CMTM4: variants seen among roughly 807,000 people sequenced by gnomAD.
CMTM4 encodes the protein CKLF-like MARVEL transmembrane domain-containing protein 4.
In CMTM4, 8 loss-of-function variants were observed where a neutral mutation model predicts 19.0. The ratio of observed to expected loss-of-function variants is 0.42; its 90% CI spans 0.25 to 0.76. CMTM4 has a LOEUF of 0.76. CMTM4 is among the 30% of genes least tolerant of loss of function. The pLI is 0.27. For missense variants in CMTM4, 228 were observed against 290.2 expected (o/e 0.79, Z 1.56); for synonymous variants, 106 against 121.1 (o/e 0.88, Z 0.82).
chr16:66,671,193 CAA>C (rs902330495), intron 1 of CMTM4, among the ~76,000 whole-genome samples: 1 of 152,142 alleles, frequency 6.6e-6, no homozygotes, highest in African/African-American at 2.4e-5. Context: ...ACCAGATTCC[CAA>C]AAGACACTTC....
chr16:66,617,256 G>A lies in CMTM4; in HGVS notation c.*4802C>T. On this transcript the variant is annotated 3_prime_UTR_variant, in exon 4 of 4. Transcript: ENST00000394106. ...CCTATGAAATAGATACACAGTTCAA[G>A]GACCCATCATCTGAACTTTTCTAGG... is the stretch of plus-strand genomic sequence containing the variant. 1.9e-6 allele frequency: 3 copies of A among 1,611,170 alleles called. No homozygotes were observed. The highest frequency in any genetic ancestry group is 1.7e-4 in the Middle Eastern group (1 of 6,058).
At chr16:66,671,633 C>T (rs942425621) in intron 1 of CMTM4, among the ~76,000 whole-genome samples, 4 of 152,140 alleles carry the variant, frequency 2.6e-5, no homozygotes, top group African/African-American at 9.7e-5. Flanking sequence ...GAATCCTTAG[C>T]ACACAAGAGG....
chr16:66,676,277 C>T (rs1259551520), intron 1 of CMTM4, among the ~76,000 whole-genome samples: 2 of 152,166 alleles, frequency 1.3e-5, no homozygotes, highest in South Asian at 2.1e-4. Flanking sequence ...GTGTCATATA[C>T]GGTCTTTCCT....
chr16:66,604,859 C>G, the CMTM4 span: 1 of 1,387,754 alleles, frequency 7.2e-7, no homozygotes, highest in East Asian at 3.1e-5. Context: ...CCGGCGGCTC[C>G]CGTCCCGGCC....
At position 66,684,209 on chromosome 16, in the gene CMTM4, G is replaced by A. The variant is rs892639768; in HGVS notation, c.186+12131C>T. ...CGTTTTTGAGACAGAATCTCCCTCT[G>A]TCGCCCAGGCTGGAGAGCAGTGGCA... On this transcript the variant is annotated intron_variant, in intron 1 of 3. Coordinates refer to ENST00000394106, the MANE Select transcript of CMTM4 (RefSeq NM_181521.3). Among the ~76,000 whole-genome samples, 4 of 152,036 alleles carry A rather than the reference G, an allele frequency of 2.6e-5. No homozygotes were observed. In the East Asian group the frequency reaches 7.7e-4, roughly 29 times the overall value.
intron 1 of CMTM4, among the ~76,000 whole-genome samples, chr16:66,657,085 A>AT (rs35197723): frequency 0.084 from 11,656 of 139,114 alleles, 1,321 homozygotes; most frequent in African/African-American, 0.26. Context: ...TAATTTCCTG[A>AT]TTTTTTTTTT....
chr16:66,606,838 A>C, the CMTM4 span, among the ~76,000 whole-genome samples: 1 of 152,118 alleles, frequency 6.6e-6, no homozygotes, highest in Non-Finnish European at 1.5e-5. Context: ...ACTAAAAATA[A>C]AAAAATTAGC....
At chr16:66,630,948 C>T (rs543868279) in intron 2 of CMTM4, among the ~76,000 whole-genome samples, 167 of 151,626 alleles carry the variant, frequency 1.1e-3, no homozygotes, top group African/African-American at 3.5e-3. Context: ...TGCCTGGCCG[C>T]GACCCCATCT....
intron 1 of CMTM4, among the ~76,000 whole-genome samples, chr16:66,644,008 C>T (rs979993858): frequency 6.6e-6 from 1 of 152,186 alleles, no homozygotes. Context: ...CCCACCTTGG[C>T]CTCCCAAAGT....
intron 1 of CMTM4, among the ~76,000 whole-genome samples, chr16:66,662,591 G>T (rs2016517885): frequency 6.6e-6 from 1 of 152,076 alleles, no homozygotes; most frequent in African/African-American, 2.4e-5. Context: ...GGAGGCTACA[G>T]ATGTCCACAA....
Position 66,620,836 on chromosome 16 carries a change from T to A in CMTM4, c.*1222A>T, listed in dbSNP as rs1052215474. On this transcript the variant is annotated 3_prime_UTR_variant, in exon 4 of 4. Coordinates refer to ENST00000394106, the MANE Select transcript of CMTM4 (RefSeq NM_181521.3). ...AAGATATAATTACTCTCTAATTTTT[T>A]AAAAAAACTACTGCATCATGGGGAC... is the stretch of plus-strand genomic sequence containing the variant. 3.0e-6 allele frequency: 3 copies of A among 985,500 alleles called. No homozygotes were observed. The highest frequency in any genetic ancestry group is 3.6e-6 in the Non-Finnish European group (3 of 829,762). 61.0% of individuals were successfully genotyped at this position (985,500 alleles called of 1,614,324 possible). A position where few individuals can be genotyped will look rare whatever the true frequency, so the allele number is the denominator to read the frequency against.
At chr16:66,641,855 T>C (rs963547238) in intron 1 of CMTM4, among the ~76,000 whole-genome samples, 4 of 152,226 alleles carry the variant, frequency 2.6e-5, no homozygotes, top group Non-Finnish European at 5.9e-5. Context: ...ATACCTATTA[T>C]ATATCTTATT....
chr16:66,675,984 C>G (rs140560265), intron 1 of CMTM4, among the ~76,000 whole-genome samples: 1 of 151,938 alleles, frequency 6.6e-6, no homozygotes, highest in Non-Finnish European at 1.5e-5. Context: ...CTCTGCCACC[C>G]AAGGAACTGG....
intron 1 of CMTM4, among the ~76,000 whole-genome samples, chr16:66,686,152 T>C (rs1199399811): frequency 6.7e-6 from 1 of 149,106 alleles, no homozygotes; most frequent in African/African-American, 2.5e-5. Context: ...ACTCGGGGAG[T>C]CTGAGGCAGG....
chr16:66,663,421 A>G (rs2016533994), intron 1 of CMTM4, among the ~76,000 whole-genome samples: 1 of 151,576 alleles, frequency 6.6e-6, no homozygotes, highest in Non-Finnish European at 1.5e-5. Context: ...CGGGAGGATT[A>G]CTGGAGCCCA....
At chr16:66,657,370 C>A (rs1000588368) in intron 1 of CMTM4, among the ~76,000 whole-genome samples, 1 of 152,116 alleles carries the variant, frequency 6.6e-6, no homozygotes, top group Admixed American at 6.5e-5. Flanking sequence ...GGATTACAGG[C>A]GTGAGCCACC....
chr16:66,622,936 C>T lies in CMTM4; in HGVS notation c.462+468G>A, dbSNP rs2015666793. Among the ~76,000 whole-genome samples, 1 of 152,220 alleles carries T rather than the reference C, an allele frequency of 6.6e-6. No homozygotes were observed. The highest frequency in any genetic ancestry group is 6.5e-5 in the Admixed American group (1 of 15,278). The stretch of plus-strand genomic sequence containing the variant: ...CTGAGAACAATACAGAAATGCAGGG[C>T]ATGGAGAGGGGAAGTCCTACATTAT... On this transcript the variant is annotated intron_variant, in intron 3 of 3. Transcript: ENST00000394106. The surrounding 1 kb of genome is among the most constrained non-coding windows in gnomAD (Gnocchi z 4.0).
At chr16:66,641,734 G>C (rs1253816239) in intron 1 of CMTM4, among the ~76,000 whole-genome samples, 1 of 152,138 alleles carries the variant, frequency 6.6e-6, no homozygotes, top group Non-Finnish European at 1.5e-5. Flanking sequence ...AATGGTCACT[G>C]TGTTCAAAAT....
chr16:66,638,108 T>C (rs1342015963), intron 1 of CMTM4, among the ~76,000 whole-genome samples: 1 of 152,212 alleles, frequency 6.6e-6, no homozygotes, highest in Non-Finnish European at 1.5e-5. Flanking sequence ...TGCTTCTCCC[T>C]GCCAGACATC....
Sources: allele counts gnomAD v4.1 joint callset (sites outside exome capture counted in the v4.1 genomes callset), GRCh38; gene constraint gnomAD v4.1.1; non-coding constraint Gnocchi (gnomAD v3.1); transcripts MANE v1.5; gene names NCBI Gene and HGNC (gene_info 2026-07-23, HGNC 2026-07-21).